PI4K2A: variants seen among roughly 807,000 people sequenced by gnomAD.
The protein encoded by PI4K2A is phosphatidylinositol 4-kinase type 2-alpha.
In PI4K2A, 20 loss-of-function variants were observed where a neutral mutation model predicts 55.0. The observed-to-expected ratio is 0.36, with a 90% CI of 0.26 to 0.53. PI4K2A has a LOEUF of 0.53. Among genes scored for constraint, PI4K2A ranks in the 20% least tolerant of loss-of-function variants. The probability of loss-of-function intolerance (pLI) is 0.91; values close to 1 mark genes in which losing one functional copy is unlikely to be tolerated. For synonymous variants in PI4K2A, 235 were observed against 258.5 expected (o/e 0.91, Z 0.87); for missense variants, 463 against 637.1 (o/e 0.73, Z 2.94).
intron 4 of PI4K2A, among the ~76,000 whole-genome samples, chr10:97,659,332 CTTGCAACTGATTTTT>C (rs1299917969): frequency 6.6e-6 from 1 of 151,952 alleles, no homozygotes; most frequent in Non-Finnish European, 1.5e-5. Flanking sequence ...CTGCGCCTGG[CTTGCAACTGATTTTT>C]TTGTGGATTG....
chr10:97,651,916 A>G (rs2041531636), intron 2 of PI4K2A, among the ~76,000 whole-genome samples: 1 of 152,162 alleles, frequency 6.6e-6, no homozygotes, highest in Admixed American at 6.5e-5. Context: ...TGGTCAGCAT[A>G]TGAACATGTC....
At chr10:97,664,974 C>G in exon 6 of PI4K2A, 1 of 1,609,584 alleles carries the variant, frequency 6.2e-7, no homozygotes, top group Non-Finnish European at 8.5e-7. Context: ...ATCCTGACTC[C>G]TGGAGGGCAT....
At chr10:97,642,140 C>T (rs1035293292) in intron 1 of PI4K2A, among the ~76,000 whole-genome samples, 4 of 152,028 alleles carry the variant, frequency 2.6e-5, no homozygotes, top group African/African-American at 9.7e-5. Context: ...TCAGATTTTC[C>T]CTGACATCTC....
intron 1 of PI4K2A, among the ~76,000 whole-genome samples, chr10:97,647,665 A>G (rs1451856676): frequency 6.6e-6 from 1 of 152,196 alleles, no homozygotes; most frequent in Non-Finnish European, 1.5e-5. Context: ...CCTGAAAGGC[A>G]CTTGTCTCCC....
intron 4 of PI4K2A, among the ~76,000 whole-genome samples, chr10:97,661,287 G>A (rs10882977): frequency 0.16 from 24,807 of 151,876 alleles, 2,268 homozygotes; most frequent in Non-Finnish European, 0.21. Flanking sequence ...CACCGCGCCC[G>A]GCCACTGCTG....
intron 1 of PI4K2A, among the ~76,000 whole-genome samples, chr10:97,642,842 C>CTTT (rs1491193950): frequency 0.13 from 2,477 of 19,752 alleles, 480 homozygotes; most frequent in African/African-American, 0.28. Context: ...TTCCTTCCTT[C>CTTT]CTTCCTTCCT....
intron 1 of PI4K2A, among the ~76,000 whole-genome samples, chr10:97,647,587 C>T (rs373945269): frequency 5.3e-5 from 8 of 152,184 alleles, no homozygotes; most frequent in African/African-American, 1.7e-4. Context: ...GCTTGCACAT[C>T]GTTCTCCACA....
chr10:97,654,544 G>A (rs980882863), intron 2 of PI4K2A, among the ~76,000 whole-genome samples: 74 of 152,208 alleles, frequency 4.9e-4, no homozygotes, highest in African/African-American at 1.8e-3. Flanking sequence ...TTTGATTTTA[G>A]GTATTTATAT....
At chr10:97,673,480 A>T (rs1292791015) in intron 8 of PI4K2A, 101 bp from the exon 9 acceptor site, 3 of 908,058 alleles carry the variant, frequency 3.3e-6, no homozygotes, top group Non-Finnish European at 4.9e-6. Context: ...TTGGTATTTT[A>T]AAAAATTGAT....
At chr10:97,640,714 GC>G in exon 1 of PI4K2A, 1 of 1,439,178 alleles carries the variant, frequency 6.9e-7, no homozygotes, top group Non-Finnish European at 9.2e-7. Context: ...TGTGGAGCGC[GC>G]CGGGTCCCGG....
chr10:97,667,050 T>C lies in PI4K2A; in HGVS notation c.1219-11T>C, dbSNP rs746799620. 3.1e-6 allele frequency: 5 copies of C among 1,611,844 alleles called. No homozygotes were observed. In the East Asian group the frequency reaches 1.1e-4, roughly 36 times the overall value. ...ACACAGGTTCCATCTCCTTCTGGTC[T>C]TCTTTTGCAGAAAGATCCTGGTTTC... On this transcript the variant is annotated splice_polypyrimidine_tract_variant and intron_variant, in intron 7 of 8. Coordinates refer to ENST00000370631, the Ensembl canonical transcript of PI4K2A.
intron 1 of PI4K2A, among the ~76,000 whole-genome samples, chr10:97,645,729 A>T (rs975619604): frequency 1.3e-5 from 2 of 150,840 alleles, no homozygotes; most frequent in African/African-American, 4.9e-5. Context: ...TATTATATAT[A>T]TATTTTTGAG....
intron 2 of PI4K2A, among the ~76,000 whole-genome samples, chr10:97,655,577 A>G (rs928191417): frequency 6.6e-6 from 1 of 151,720 alleles, no homozygotes; most frequent in Admixed American, 6.6e-5. Flanking sequence ...TTTCTTTTTT[A>G]TCATATTTTT....
intron 1 of PI4K2A, among the ~76,000 whole-genome samples, chr10:97,642,841 TCCTTC>T (rs1564772239): frequency 4.7e-4 from 9 of 19,028 alleles, no homozygotes; most frequent in African/African-American, 1.2e-3. Flanking sequence ...CTTCCTTCCT[TCCTTC>T]CTTCCTTTCT....
intron 1 of PI4K2A, among the ~76,000 whole-genome samples, chr10:97,644,591 G>C (rs941515646): frequency 9.9e-5 from 15 of 152,256 alleles, no homozygotes; most frequent in African/African-American, 2.9e-4. Context: ...CCATCTTTAG[G>C]ATATGGCTTC....
intron 4 of PI4K2A, among the ~76,000 whole-genome samples, chr10:97,662,117 A>C (rs1454163677): frequency 6.6e-6 from 1 of 152,190 alleles, no homozygotes; most frequent in African/African-American, 2.4e-5. Flanking sequence ...TCAGCCTCCC[A>C]AAATGCTGGG....
intron 1 of PI4K2A, among the ~76,000 whole-genome samples, chr10:97,645,873 C>T (rs1003698211): frequency 8.6e-5 from 13 of 151,800 alleles, no homozygotes; most frequent in African/African-American, 2.9e-4. Context: ...TCAACAAGCC[C>T]TTCCCTTCCT....
intron 1 of PI4K2A, among the ~76,000 whole-genome samples, chr10:97,643,343 A>G (rs2041488002): frequency 6.6e-6 from 1 of 152,024 alleles, no homozygotes; most frequent in African/African-American, 2.4e-5. Context: ...AGAAGGGGCT[A>G]AGATTATCTT....
chr10:97,647,382 A>C (rs2041509983), intron 1 of PI4K2A, among the ~76,000 whole-genome samples: 1 of 152,230 alleles, frequency 6.6e-6, no homozygotes, highest in Non-Finnish European at 1.5e-5. Context: ...ATTAGGCAGT[A>C]GTCATTTTCT....
Sources: gnomAD v4.1 joint callset for allele counts (sites outside exome capture counted in the v4.1 genomes callset) on GRCh38, gnomAD v4.1.1 for gene constraint, MANE v1.5 for transcripts, NCBI Gene and HGNC (gene_info 2026-07-23, HGNC 2026-07-21) for gene names.